NR5A2: variants seen among roughly 807,000 people sequenced by gnomAD.
NR5A2 encodes nuclear receptor subfamily 5 group A member 2.
In NR5A2, 26 loss-of-function variants were observed where a neutral mutation model predicts 62.7. The ratio of observed to expected loss-of-function variants is 0.41; its 90% CI spans 0.30 to 0.58. NR5A2 has a LOEUF of 0.58. Ranked by LOEUF, NR5A2 falls within the 20% of genes least tolerant of loss-of-function variation. The probability of loss-of-function intolerance (pLI) is 0.22; values close to 1 mark genes in which losing one functional copy is unlikely to be tolerated. For synonymous variants in NR5A2, 246 were observed against 241.7 expected, an observed-to-expected ratio of 1.02 and a Z score of -0.16; for missense variants, 541 against 669.1, an observed-to-expected ratio of 0.81 and a Z score of 2.11.
intron 1 of NR5A2, among the ~76,000 whole-genome samples, chr1:200,030,703 A>G (rs1458544103): frequency 6.6e-6 from 1 of 152,244 alleles, no homozygotes; most frequent in Non-Finnish European, 1.5e-5. Context: ...ACAGTGCCCA[A>G]TATTATGCTT....
intron 5 of NR5A2, among the ~76,000 whole-genome samples, chr1:200,060,202 C>G (rs1468873845): frequency 6.6e-6 from 1 of 152,118 alleles, no homozygotes; most frequent in South Asian, 2.1e-4. Context: ...ACTCTTTTTC[C>G]TTTCCTTCTA....
chr1:200,106,128 G>A (rs1665654979), intron 5 of NR5A2, among the ~76,000 whole-genome samples: 2 of 151,258 alleles, frequency 1.3e-5, no homozygotes, highest in African/African-American at 4.9e-5. Context: ...TGCCATCTCG[G>A]CTCATTGCAA....
At position 200,046,825 on chromosome 1, in the gene NR5A2, C is replaced by T. The variant is rs1048091358; in HGVS notation, c.463+1241C>T. The stretch of plus-strand genomic sequence containing the variant: ...ATGATGTCATTTAATTCCTTTTCAA[C>T]AAAAATAATAAGGCTGCATTTCTTT... On this transcript the variant is annotated intron_variant, in intron 4 of 7. Transcript: ENST00000367362. 2.6e-4 allele frequency among the ~76,000 whole-genome samples: 39 copies of T among 152,066 alleles called. 1 individual carries two copies. Among genetic ancestry groups the T allele is most frequent in the African/African-American group, 7.0e-4 (29 of 41,406 alleles).
At chr1:200,065,385 C>A (rs2816915) in intron 5 of NR5A2, among the ~76,000 whole-genome samples, 32,666 of 152,042 alleles carry the variant, frequency 0.21, 3,844 homozygotes, top group African/African-American at 0.31. Context: ...CTCAGGTGAT[C>A]CACCACCTCG....
rs1661402983 is a variant in NR5A2, at chr1:200,027,888, T to C, written c.41T>C (p.Leu14Ser). The C allele has an allele frequency of 6.2e-7, 1 of 1,604,562 alleles. No individual in the cohort carries two copies. Among genetic ancestry groups the C allele is most frequent in the African/African-American group, 1.3e-5 (1 of 74,656 alleles). ...NSDTGDLQESLKHGLTPIGAG... is the reference protein window; with the variant it reads ...NSDTGDLQESSKHGLTPIGAG... ...GATACTGGGGATTTACAAGAGTCTT[T>C]AAAGCACGGACTTACACCTATTGGT... is the stretch of plus-strand genomic sequence containing the variant. The change falls in exon 1 of 8, where the codon TTA becomes TCA. Residue 14 changes from leucine to serine, a missense_variant. By Grantham distance (145) the Leu-to-Ser change is moderately radical. Transcript: ENST00000367362.
intron 6 of NR5A2, among the ~76,000 whole-genome samples, chr1:200,115,382 A>T (rs1666169273): frequency 6.6e-6 from 1 of 152,138 alleles, no homozygotes; most frequent in Non-Finnish European, 1.5e-5. Flanking sequence ...TGAACTTTCA[A>T]ACACTGCTAG....
intron 5 of NR5A2, among the ~76,000 whole-genome samples, chr1:200,106,192 G>A (rs1334962440): frequency 6.6e-6 from 1 of 151,894 alleles, no homozygotes; most frequent in East Asian, 1.9e-4. Context: ...TAAATAGCTG[G>A]GATTACAGGC....
At chr1:200,111,413 T>C in intron 6 of NR5A2, 92 bp downstream of exon 6, 1 of 1,416,620 alleles carries the variant, frequency 7.1e-7, no homozygotes, top group South Asian at 1.4e-5. Flanking sequence ...AGCACTCTTG[T>C]GCTTTGAAAG....
chr1:200,123,253 C>T (rs529950605), intron 7 of NR5A2, among the ~76,000 whole-genome samples: 1 of 152,228 alleles, frequency 6.6e-6, no homozygotes, highest in South Asian at 2.1e-4. Flanking sequence ...GCAGTATTCT[C>T]CTGTGAGAGA....
chr1:200,108,004 G>A (rs1188836321), intron 5 of NR5A2, among the ~76,000 whole-genome samples: 2 of 151,954 alleles, frequency 1.3e-5, no homozygotes, highest in African/African-American at 4.8e-5. Flanking sequence ...TTTCTGTCAA[G>A]TTATATATGA....
intron 6 of NR5A2, among the ~76,000 whole-genome samples, chr1:200,119,540 G>A (rs1445856640): frequency 3.3e-5 from 5 of 152,204 alleles, no homozygotes; most frequent in South Asian, 4.1e-4. Context: ...AGCAAAGCCA[G>A]TGCTATCACT....
chr1:200,104,153 C>T (rs1332305812), intron 5 of NR5A2, among the ~76,000 whole-genome samples: 1 of 152,108 alleles, frequency 6.6e-6, no homozygotes, highest in Admixed American at 6.5e-5. Flanking sequence ...ACAGCAGCAG[C>T]ACAATTAGAA....
At chr1:200,144,938 A>T (rs112142424) in intron 7 of NR5A2, among the ~76,000 whole-genome samples, 2 of 152,278 alleles carry the variant, frequency 1.3e-5, no homozygotes, top group African/African-American at 4.8e-5. Context: ...CCACCTCTTT[A>T]TATGATGCTC....
At position 200,120,066 on chromosome 1, in the gene NR5A2, T is replaced by C. The variant is rs914590794; in HGVS notation, c.1231-742T>C. Among the ~76,000 whole-genome samples the C allele has an allele frequency of 3.7e-4, 56 of 152,220 alleles. 2 individuals are homozygous for C. The highest frequency in any genetic ancestry group is 5.9e-5 in the Non-Finnish European group (4 of 68,044). ...TAATCATCTGAGAATAGCAGTTTTA[T>C]GTCATGCTTTTTAGGAAACAGAAAA... On this transcript the variant is annotated intron_variant, in intron 6 of 7. Transcript: ENST00000367362.
chr1:200,159,046 C>G (rs1653515166), intron 7 of NR5A2, among the ~76,000 whole-genome samples: 1 of 150,206 alleles, frequency 6.7e-6, no homozygotes, highest in Non-Finnish European at 1.5e-5. Context: ...CCACACCCAG[C>G]TATTTTTTTT....
chr1:200,050,144 G>A (rs1314728214), intron 5 of NR5A2, among the ~76,000 whole-genome samples: 2 of 152,166 alleles, frequency 1.3e-5, no homozygotes, highest in South Asian at 2.1e-4. Flanking sequence ...GATATTTTCC[G>A]AGTATGTGTT....
chr1:200,089,381 G>A (rs998712952), intron 5 of NR5A2, among the ~76,000 whole-genome samples: 1 of 151,960 alleles, frequency 6.6e-6, no homozygotes, highest in African/African-American at 2.4e-5. Context: ...GACTGGTCTC[G>A]AACTCCTGTC....
At chr1:200,137,143 T>G (rs1448150285) in intron 7 of NR5A2, among the ~76,000 whole-genome samples, 1 of 78,884 alleles carries the variant, frequency 1.3e-5, no homozygotes, top group Non-Finnish European at 3.1e-5. Context: ...CCAGATTTTA[T>G]TTTATTTATT....
At chr1:200,042,201 C>T (rs1249521938) in intron 2 of NR5A2, among the ~76,000 whole-genome samples, 3 of 151,996 alleles carry the variant, frequency 2.0e-5, no homozygotes, top group Admixed American at 1.3e-4. Flanking sequence ...TTCTCTGGAG[C>T]CTCTTTTCTC....
Sources: allele counts gnomAD v4.1 joint callset (sites outside exome capture counted in the v4.1 genomes callset), GRCh38; gene constraint gnomAD v4.1.1; transcripts MANE v1.5; gene names NCBI Gene and HGNC (gene_info 2026-07-23, HGNC 2026-07-21).